The following ARL17A variants were observed in gnomAD, a reference collection of about 807,000 sequenced individuals.
ARL17A encodes the protein ARF like GTPase 17A.
chr17:46,550,480 A>C, downstream of ARL17A: 1 of 824,156 alleles, frequency 1.2e-6, no homozygotes, highest in Non-Finnish European at 1.9e-6. Context: ...TTGTTACTGG[A>C]ATACTAACGA....
chr17:46,519,709 AAAATT>A (rs1177102639), intron 3 of ARL17A, among the ~76,000 whole-genome samples: 5 of 145,524 alleles, frequency 3.4e-5, no homozygotes, highest in Admixed American at 2.8e-4. Context: ...CCCTGTCTCA[AAAATT>A]AAATTAAATT....
At chr17:46,520,885 T>G (rs2144906465) in intron 3 of ARL17A, among the ~76,000 whole-genome samples, 1 of 73,438 alleles carries the variant, frequency 1.4e-5, no homozygotes, top group East Asian at 2.5e-4. Flanking sequence ...CCAGAATTTT[T>G]TGGTAATTTA....
downstream of ARL17A, among the ~76,000 whole-genome samples, chr17:46,516,082 T>A (rs2667807): frequency 1.5e-5 from 2 of 136,102 alleles, no homozygotes; most frequent in East Asian, 4.2e-4. Context: ...GGGCGGATCA[T>A]GAGGTCAGGA....
intron 3 of ARL17A, among the ~76,000 whole-genome samples, chr17:46,540,580 A>G (rs1267760348): frequency 2.1e-5 from 3 of 140,142 alleles, no homozygotes; most frequent in Non-Finnish European, 4.6e-5. Flanking sequence ...GTGCAATATG[A>G]AAATGAGAAG....
intron 3 of ARL17A, among the ~76,000 whole-genome samples, chr17:46,545,739 C>G (rs368068624): frequency 7.3e-6 from 1 of 136,382 alleles, no homozygotes; most frequent in Admixed American, 7.3e-5. Flanking sequence ...TATGTGGTAA[C>G]TTATTGTTGT....
chr17:46,539,768 C>CAAAAAAAAAAAAAAAAA (rs1204528686), intron 3 of ARL17A, among the ~76,000 whole-genome samples: 2 of 67,034 alleles, frequency 3.0e-5, no homozygotes, highest in Non-Finnish European at 5.4e-5. Context: ...GACTCCATCT[C>CAAAAAAAAAAAAAAAAA]AAAAAAAAAA....
At chr17:46,534,738 G>A (rs1399678608) in intron 4 of ARL17A, among the ~76,000 whole-genome samples, 1 of 150,002 alleles carries the variant, frequency 6.7e-6, no homozygotes, top group Non-Finnish European at 1.5e-5. Context: ...GTGGCGGCCG[G>A]GCAGAGGGGC....
In ARL17A at chr17:46,552,916, G is replaced by A. The variant is rs2145876719; in HGVS notation, c.*4440C>T. On this transcript the variant is annotated 3_prime_UTR_variant, in exon 4 of 4. Coordinates refer to ENST00000336125, the MANE Select transcript of ARL17A (RefSeq NM_001113738.2). Reference sequence around the variant, plus strand: ...AAATTAAAAAAAAAAATAGCCAGGTGTGGTAGTATGCACCTGTAGTCTCAG... The same window carrying A: ...AAATTAAAAAAAAAAATAGCCAGGTATGGTAGTATGCACCTGTAGTCTCAG... Among the ~76,000 whole-genome samples the A allele has an allele frequency of 6.9e-6, 1 of 145,644 alleles. No homozygotes were observed. Among genetic ancestry groups the A allele is most frequent in the Admixed American group, 6.8e-5 (1 of 14,732 alleles).
At chr17:46,539,224 A>G (rs1350693551) in intron 3 of ARL17A, among the ~76,000 whole-genome samples, 2 of 82,048 alleles carry the variant, frequency 2.4e-5, no homozygotes, top group Non-Finnish European at 6.2e-5. Flanking sequence ...AAAAAAAAAA[A>G]AAAAAAAAAA....
the ARL17A span, among the ~76,000 whole-genome samples, chr17:46,500,570 C>CA: frequency 6.6e-6 from 1 of 150,602 alleles, no homozygotes; most frequent in African/African-American, 2.5e-5. Context: ...CCATAGAAAT[C>CA]ACCTGAAGAT....
chr17:46,532,494 ATTC>A (rs1466305710), intron 4 of ARL17A, among the ~76,000 whole-genome samples: 2 of 147,822 alleles, frequency 1.4e-5, no homozygotes, highest in African/African-American at 5.2e-5. Context: ...ATTGGTGTTA[ATTC>A]TTCTTTAAGT....
chr17:46,552,681 C>A (rs983604380), downstream of ARL17A: 1 of 76,386 alleles, frequency 1.3e-5, no homozygotes, highest in Admixed American at 1.3e-4. Flanking sequence ...TCAGATTCAA[C>A]TAGATCAGGC....
At position 46,521,072 on chromosome 17, in the gene ARL17A, C is replaced by A. The variant is rs1257976109; in HGVS notation, c.260-3839G>T. ...ACTGGTAGAGCTAGAAATGTTTACA[C>A]TAAGAAGCACATCAGAAATGCCCCT... On this transcript the variant is annotated intron_variant, in intron 3 of 4. Transcript: ENST00000445552. 2.5e-5 allele frequency among the ~76,000 whole-genome samples: 2 copies of A among 79,264 alleles called. 1 individual carries two copies. The highest frequency in any genetic ancestry group is 7.4e-5 in the African/African-American group (2 of 26,914). 52.0% of individuals were successfully genotyped at this position (79,264 alleles called of 152,430 possible).
chr17:46,533,521 G>A (rs1321526407), intron 4 of ARL17A, among the ~76,000 whole-genome samples: 1 of 141,150 alleles, frequency 7.1e-6, no homozygotes, highest in Non-Finnish European at 1.5e-5. Flanking sequence ...CTTTATTTTG[G>A]GACAGAGTCT....
At chr17:46,558,348 C>T (rs1239245160) in intron 3 of ARL17A, among the ~76,000 whole-genome samples, 1 of 109,534 alleles carries the variant, frequency 9.1e-6, no homozygotes, top group Admixed American at 9.1e-5. Context: ...GTGCGAGCTA[C>T]CGCGCCTGGC....
intron 3 of ARL17A, among the ~76,000 whole-genome samples, chr17:46,558,602 G>C (rs2057421602): frequency 8.1e-6 from 1 of 123,146 alleles, no homozygotes. Flanking sequence ...TGTTGGCCAG[G>C]CTAGTCTTGA....
the ARL17A span, among the ~76,000 whole-genome samples, chr17:46,503,018 C>T: frequency 1.3e-5 from 2 of 150,664 alleles, no homozygotes; most frequent in African/African-American, 2.5e-5. Context: ...GGAGATCATC[C>T]TGGCTAACAC....
At chr17:46,545,243 G>A (rs1217996953) in intron 3 of ARL17A, among the ~76,000 whole-genome samples, 1 of 138,736 alleles carries the variant, frequency 7.2e-6, no homozygotes, top group East Asian at 2.1e-4. Context: ...ACCAGCCTGA[G>A]CAACATGGGG....
At chr17:46,503,167 A>G in the ARL17A span, among the ~76,000 whole-genome samples, 53,290 of 118,296 alleles carry the variant, frequency 0.45, 14,812 homozygotes, top group South Asian at 0.66. Flanking sequence ...AGCCGAGATC[A>G]TGCCACTGCA....
Sources: allele counts gnomAD v4.1 joint callset (sites outside exome capture counted in the v4.1 genomes callset), GRCh38; gene constraint gnomAD v4.1.1; transcripts MANE v1.5; gene names NCBI Gene and HGNC (gene_info 2026-07-23, HGNC 2026-07-21).